The following ZNG1E variants were observed in gnomAD, a reference collection of about 807,000 sequenced individuals.
ZNG1E encodes the protein Zn regulated GTPase metalloprotein activator 1E, also known as zinc-regulated GTPase metalloprotein activator 1E.
At chr9:65,660,642 G>A in the ZNG1E span, among the ~76,000 whole-genome samples, 9 of 151,828 alleles carry the variant, frequency 5.9e-5, no homozygotes, top group African/African-American at 1.9e-4. Context: ...GGCTAGAGAA[G>A]AAGCTTACAA....
the ZNG1E span, among the ~76,000 whole-genome samples, chr9:65,673,726 GC>G: frequency 6.6e-6 from 1 of 152,282 alleles, no homozygotes; most frequent in Non-Finnish European, 1.5e-5. Context: ...GATCACTTGA[GC>G]CCAGGAGTTT....
At chr9:65,655,508 T>C in the ZNG1E span, among the ~76,000 whole-genome samples, 1 of 152,310 alleles carries the variant, frequency 6.6e-6, no homozygotes, top group African/African-American at 2.4e-5. Flanking sequence ...TTGCCCAGGC[T>C]GGAGTGCAGT....
At chr9:65,700,029 G>A in the ZNG1E span, among the ~76,000 whole-genome samples, 479 of 150,412 alleles carry the variant, frequency 3.2e-3, 2 homozygotes, top group African/African-American at 0.011. Flanking sequence ...ATCTGAACTT[G>A]CATAGTAATG....
chr9:65,681,655 TC>T, the ZNG1E span: 1 of 1,579,566 alleles, frequency 6.3e-7, no homozygotes, highest in Non-Finnish European at 8.6e-7. Context: ...AACGGTTGCC[TC>T]TGCTGTTCAG....
chr9:65,661,997 T>G, the ZNG1E span, among the ~76,000 whole-genome samples: 1 of 152,270 alleles, frequency 6.6e-6, no homozygotes, highest in Non-Finnish European at 1.5e-5. Context: ...AGTTTCAAAG[T>G]ATCTCCCCAT....
chr9:65,680,950 G>C, the ZNG1E span, among the ~76,000 whole-genome samples: 1 of 152,202 alleles, frequency 6.6e-6, no homozygotes, highest in Non-Finnish European at 1.5e-5. Flanking sequence ...TACCACACCT[G>C]GCTAATTTTT....
chr9:65,686,635 A>AAAATAAATAAAT, the ZNG1E span, among the ~76,000 whole-genome samples: 2 of 152,188 alleles, frequency 1.3e-5, no homozygotes, highest in African/African-American at 4.8e-5. Context: ...ACTCCATCTC[A>AAAATAAATAAAT]AAATAAATAA....
At chr9:65,703,584 C>G in the ZNG1E span, 41 of 847,266 alleles carry the variant, frequency 4.8e-5, no homozygotes, top group Non-Finnish European at 5.5e-5. Context: ...TTATTAAGCT[C>G]ATTTTTTTTT....
chr9:65,663,447 CTCTT>C, the ZNG1E span, among the ~76,000 whole-genome samples: 2 of 151,030 alleles, frequency 1.3e-5, no homozygotes, highest in African/African-American at 4.9e-5. Flanking sequence ...TTCATTTAGA[CTCTT>C]TCTATCCAAC....
At chr9:65,716,668 A>AT in the ZNG1E span, among the ~76,000 whole-genome samples, 3 of 151,130 alleles carry the variant, frequency 2.0e-5, no homozygotes, top group Admixed American at 6.6e-5. Flanking sequence ...AGTTTGTAAA[A>AT]AAAAAAATAA....
At chr9:65,654,542 G>A in the ZNG1E span, among the ~76,000 whole-genome samples, 1 of 121,636 alleles carries the variant, frequency 8.2e-6, no homozygotes, top group African/African-American at 3.2e-5. Context: ...GAGAGAGCAG[G>A]CATGTCACAT....
the ZNG1E span, among the ~76,000 whole-genome samples, chr9:65,689,205 T>TTTTTTA: frequency 1.4e-5 from 2 of 139,458 alleles, no homozygotes; most frequent in African/African-American, 2.6e-5. Flanking sequence ...TTTTGTTTTA[T>TTTTTTA]TTTTTATTTT....
the ZNG1E span, among the ~76,000 whole-genome samples, chr9:65,714,039 G>T: frequency 6.7e-6 from 1 of 150,036 alleles, no homozygotes; most frequent in Non-Finnish European, 1.5e-5. Context: ...ATATTTCTTG[G>T]AGGCTTTGTT....
chr9:65,684,239 G>A, the ZNG1E span, among the ~76,000 whole-genome samples: 626 of 151,314 alleles, frequency 4.1e-3, no homozygotes, highest in African/African-American at 0.014. Flanking sequence ...TCTCACTATT[G>A]TGATATACAA....
the ZNG1E span, chr9:65,732,742 T>C: frequency 7.2e-7 from 1 of 1,380,022 alleles, no homozygotes; most frequent in South Asian, 1.6e-5. Context: ...CTAATATATG[T>C]ATTAACTTTA....
At chr9:65,680,786 A>T in the ZNG1E span, among the ~76,000 whole-genome samples, 2 of 152,230 alleles carry the variant, frequency 1.3e-5, no homozygotes, top group African/African-American at 4.8e-5. Context: ...TTTGACTAAA[A>T]GTTTAGGTTT....
chr9:65,672,679 G>T, the ZNG1E span, among the ~76,000 whole-genome samples: 1 of 149,264 alleles, frequency 6.7e-6, no homozygotes, highest in Non-Finnish European at 1.5e-5. Context: ...AGAGGCAGAG[G>T]TTGCAGTGAG....
the ZNG1E span, among the ~76,000 whole-genome samples, chr9:65,681,385 C>T: frequency 6.6e-6 from 1 of 152,262 alleles, no homozygotes; most frequent in Non-Finnish European, 1.5e-5. Flanking sequence ...CTTAAGTCAT[C>T]TTAAATAAAA....
chr9:65,720,986 A>C, the ZNG1E span, among the ~76,000 whole-genome samples: 7 of 150,968 alleles, frequency 4.6e-5, no homozygotes, highest in African/African-American at 7.4e-5. Context: ...AAAAAAAAAA[A>C]AAACCCAGTT....
Sources: allele counts gnomAD v4.1 joint callset (sites outside exome capture counted in the v4.1 genomes callset), GRCh38; gene constraint gnomAD v4.1.1; transcripts MANE v1.5; gene names NCBI Gene and HGNC (gene_info 2026-07-23, HGNC 2026-07-21).